JAKMIP1: variants seen among roughly 807,000 people sequenced by gnomAD.
JAKMIP1 encodes the protein janus kinase and microtubule interacting protein 1.
JAKMIP1 carries 33 observed loss-of-function variants against 113.0 expected under a neutral mutation model. The observed-to-expected ratio is 0.29, with a 90% CI of 0.22 to 0.39. The LOEUF (loss-of-function observed/expected upper bound fraction) is 0.39. Among genes scored for constraint, JAKMIP1 ranks in the 10% least tolerant of loss-of-function variants. The probability of loss-of-function intolerance (pLI) is 1.00; values close to 1 mark genes in which losing one functional copy is unlikely to be tolerated. For missense variants in JAKMIP1, 813 were observed against 1,080.5 expected (o/e 0.75, Z 3.47); for synonymous variants, 480 against 459.9 (o/e 1.04, Z -0.56).
chr4:6,109,282 G>A lies in JAKMIP1; in HGVS notation c.130-3315C>T, dbSNP rs539883364. On this transcript the variant is annotated intron_variant, in intron 2 of 20. Transcript: ENST00000409021. Reference sequence around the variant, plus strand: ...AGAGTAGCTGGGACTACAGGCACCCGCCACTGCGCCCGGCTAATTTTTTTA... The same window carrying A: ...AGAGTAGCTGGGACTACAGGCACCCACCACTGCGCCCGGCTAATTTTTTTA... 4.0e-3 allele frequency among the ~76,000 whole-genome samples: 603 copies of A among 151,888 alleles called. 4 individuals are homozygous for A. The highest frequency in any genetic ancestry group is 0.013 in the African/African-American group (543 of 41,422).
chr4:6,173,035 G>C (rs1014365041), intron 1 of JAKMIP1, among the ~76,000 whole-genome samples: 1 of 152,166 alleles, frequency 6.6e-6, no homozygotes, highest in African/African-American at 2.4e-5. Flanking sequence ...AGGCTAACCC[G>C]ATTAACAAAG....
chr4:6,196,982 G>A lies in JAKMIP1; in HGVS notation c.-148+3271C>T, dbSNP rs886595992. 3.9e-5 allele frequency among the ~76,000 whole-genome samples: 6 copies of A among 152,142 alleles called. No individual in the cohort carries two copies. In the South Asian group the frequency reaches 6.2e-4, roughly 16 times the overall value. On this transcript the variant is annotated intron_variant, in intron 1 of 20. Transcript: ENST00000409021. ...CTCCGTGGGGCAACATCTGAGGCCC[G>A]GAGTCAGGGAGCCCCACTTCTGAGT...
chr4:6,066,896 C>A (rs896787834), intron 8 of JAKMIP1, among the ~76,000 whole-genome samples: 1 of 152,076 alleles, frequency 6.6e-6, no homozygotes, highest in Non-Finnish European at 1.5e-5. Context: ...TCCTCCGCTC[C>A]AGGCTTCTGC....
At position 6,186,484 on chromosome 4, in the gene JAKMIP1, T is replaced by C. The variant is rs1726667014; in HGVS notation, c.-148+13769A>G. 6.6e-6 allele frequency among the ~76,000 whole-genome samples: 1 copy of C among 152,244 alleles called. No individual in the cohort carries two copies. The highest frequency in any genetic ancestry group is 1.5e-5 in the Non-Finnish European group (1 of 68,044). ...CAGCTACAGGCCAGGCATGGCTTGA[T>C]GCTACTGACTTCTAACTTCATTGCA... On this transcript the variant is annotated intron_variant, in intron 1 of 20. Coordinates refer to ENST00000409021, the MANE Select transcript of JAKMIP1 (RefSeq NM_001099433.2). The surrounding 1 kb of genome is among the most constrained non-coding windows in gnomAD (Gnocchi z 5.5).
In JAKMIP1 at chr4:6,049,696, C is replaced by T. The variant is rs1715423164; in HGVS notation, c.1962+123G>A. On this transcript the variant is annotated intron_variant, in intron 15 of 20. Transcript: ENST00000409021. This position sits in a 1 kb window ranked among gnomAD's most constrained non-coding sequence, Gnocchi z 7.0. ...GGAACACGGCCATACAAAAGCCTTA[C>T]ATTGTACTTCTTAGATCTCTTACAT... 2.7e-6 allele frequency: 2 copies of T among 752,978 alleles called. No individual in the cohort carries two copies. Among genetic ancestry groups the T allele is most frequent in the Admixed American group, 2.4e-5 (1 of 41,506 alleles). The allele number at this position is 752,978 out of a possible 1,614,324, so 46.6% of individuals were successfully genotyped here.
rs1722421034 is a variant in JAKMIP1, at chr4:6,157,711, G to T, written c.-148+42542C>A. 6.6e-6 allele frequency among the ~76,000 whole-genome samples: 1 copy of T among 152,148 alleles called. No individual in the cohort carries two copies. The highest frequency in any genetic ancestry group is 1.5e-5 in the Non-Finnish European group (1 of 68,038). On this transcript the variant is annotated intron_variant, in intron 1 of 20. Coordinates refer to ENST00000409021, the MANE Select transcript of JAKMIP1 (RefSeq NM_001099433.2). This position sits in a 1 kb window ranked among gnomAD's most constrained non-coding sequence, Gnocchi z 4.7. ...CTGTTTAAACTGGTGCCAGTTGTCT[G>T]TGGTTTCACATTCACTGAGCAGGTT...
intron 3 of JAKMIP1, among the ~76,000 whole-genome samples, chr4:6,102,397 TATGAAGG>T (rs1713194564): frequency 6.6e-6 from 1 of 152,172 alleles, no homozygotes; most frequent in South Asian, 2.1e-4. Context: ...GCAAAGCCTT[TATGAAGG>T]GAGTTAGTGA....
Position 6,116,517 on chromosome 4 carries a change from C to T in JAKMIP1, c.-147-3520G>A, listed in dbSNP as rs1402783442. ...GCACGGGGACCTTGGACCTGCTGAC[C>T]CTGGACCTTGTCTGGCATATAGGCC... On this transcript the variant is annotated intron_variant, in intron 1 of 20. Coordinates refer to ENST00000409021, the MANE Select transcript of JAKMIP1 (RefSeq NM_001099433.2). This position sits in a 1 kb window ranked among gnomAD's most constrained non-coding sequence, Gnocchi z 5.1. 6.6e-6 allele frequency among the ~76,000 whole-genome samples: 1 copy of T among 152,150 alleles called. No homozygotes were observed. The highest frequency in any genetic ancestry group is 2.4e-5 in the African/African-American group (1 of 41,424).
intron 3 of JAKMIP1, among the ~76,000 whole-genome samples, chr4:6,090,291 A>G (rs1721865924): frequency 6.6e-6 from 1 of 152,126 alleles, no homozygotes; most frequent in Non-Finnish European, 1.5e-5. Flanking sequence ...GTGCAGGCAG[A>G]GACTGAAGTG....
intron 1 of JAKMIP1, among the ~76,000 whole-genome samples, chr4:6,149,425 C>T (rs1721287613): frequency 6.6e-6 from 1 of 152,092 alleles, no homozygotes; most frequent in Non-Finnish European, 1.5e-5. Flanking sequence ...GTAGGAGAAA[C>T]CTCACCAGAT....
At position 6,198,626 on chromosome 4, in the gene JAKMIP1, G is replaced by C. The variant is rs1040791409; in HGVS notation, c.-148+1627C>G. On this transcript the variant is annotated intron_variant, in intron 1 of 20. Coordinates refer to ENST00000409021, the MANE Select transcript of JAKMIP1 (RefSeq NM_001099433.2). Reference sequence around the variant, plus strand: ...GCAGAGATGTTCAGCATTACAGACCGGTACACACCTCAACAGCAACAAAAA... The same window carrying C: ...GCAGAGATGTTCAGCATTACAGACCCGTACACACCTCAACAGCAACAAAAA... Among the ~76,000 whole-genome samples the C allele has an allele frequency of 7.2e-5, 11 of 152,296 alleles. 2 individuals are homozygous for C. In the South Asian group the frequency reaches 2.3e-3, roughly 32 times the overall value.
At chr4:6,111,689 T>G (rs1252104560) in intron 2 of JAKMIP1, among the ~76,000 whole-genome samples, 1 of 152,152 alleles carries the variant, frequency 6.6e-6, no homozygotes, top group Admixed American at 6.5e-5. Context: ...CCTGTGCTCC[T>G]CCCCTCTGTG....
chr4:6,146,114 G>A (rs78149516), intron 1 of JAKMIP1, among the ~76,000 whole-genome samples: 3,290 of 151,838 alleles, frequency 0.022, 122 homozygotes, highest in African/African-American at 0.075. Context: ...CCTGACACAC[G>A]GTATAAGATG....
chr4:6,063,936 C>T (rs184382015), intron 9 of JAKMIP1, among the ~76,000 whole-genome samples: 45 of 152,326 alleles, frequency 3.0e-4, no homozygotes, highest in Admixed American at 3.9e-4. Context: ...TGGAGAAGTG[C>T]TCCCTCGCGA....
In JAKMIP1 at chr4:6,040,435, C is replaced by T. The variant is rs1476042100; in HGVS notation, c.2175+204G>A. ...ATGTCTAAGAAAACCATTAAAGTAA[C>T]TTTGAATATTTTTGAAAATCACGAT... is the stretch of plus-strand genomic sequence containing the variant. On this transcript the variant is annotated intron_variant, in intron 18 of 20. Transcript: ENST00000409021. The surrounding 1 kb of genome is among the most constrained non-coding windows in gnomAD (Gnocchi z 5.8). 6.6e-6 allele frequency among the ~76,000 whole-genome samples: 1 copy of T among 152,144 alleles called. No individual in the cohort carries two copies. Among genetic ancestry groups the T allele is most frequent in the Non-Finnish European group, 1.5e-5 (1 of 68,028 alleles).
Position 6,078,922 on chromosome 4 carries a change from C to A in JAKMIP1, c.1302+17G>T. The stretch of plus-strand genomic sequence containing the variant: ...ACACAGCGGCAAGGTAGGGCAGGTG[C>A]ACCATCGCAGGCTCACCTTGGGCGG... On this transcript the variant is annotated intron_variant, in intron 8 of 20. Transcript: ENST00000409021. 6.2e-7 allele frequency: 1 copy of A among 1,613,554 alleles called. No individual in the cohort carries two copies. The highest frequency in any genetic ancestry group is 8.5e-7 in the Non-Finnish European group (1 of 1,179,454).
chr4:6,191,510 T>C (rs1364942023), intron 1 of JAKMIP1, among the ~76,000 whole-genome samples: 2 of 152,218 alleles, frequency 1.3e-5, no homozygotes, highest in Non-Finnish European at 2.9e-5. Flanking sequence ...AAGGTGGCCC[T>C]CAAAGGTGCA....
intron 2 of JAKMIP1, 103 bp downstream of exon 2, chr4:6,112,619 G>A: frequency 7.2e-7 from 1 of 1,398,170 alleles, no homozygotes; most frequent in Non-Finnish European, 9.8e-7. Flanking sequence ...CCCCCCCTCG[G>A]CCCCCCTCCT....
In JAKMIP1 at chr4:6,084,927, T is replaced by A. The variant is rs941000293; in HGVS notation, c.873A>T (p.Gln291His). 6.3e-7 allele frequency: 1 copy of A among 1,588,298 alleles called. No individual in the cohort carries two copies. Among genetic ancestry groups the A allele is most frequent in the Admixed American group, 1.8e-5 (1 of 56,710 alleles). The stretch of plus-strand genomic sequence containing the variant: ...CTGAATTCAGTTCAGCAATTTTTAG[T>A]TGAAATCGCCTCACATCTCGCTCGT... ...HMDERDVRRF[Q>H]LKIAELNSVI... Residue 291 changes from glutamine to histidine, a missense_variant, in exon 5 of 21, where the codon CAA (glutamine) becomes CAT (histidine). Gln to His is a conservative substitution (Grantham distance 24). Around this residue, in one of 2 missense-constraint regions of JAKMIP1, gnomAD observed 540 missense variants for 653.9 expected, o/e 0.83. Transcript: ENST00000409021.
Sources: gnomAD v4.1 joint callset for allele counts (sites outside exome capture counted in the v4.1 genomes callset) on GRCh38, gnomAD v4.1.1 for gene constraint, gnomAD v4.1.1 regional missense constraint, Gnocchi (gnomAD v3.1) non-coding constraint, MANE v1.5 for transcripts, NCBI Gene and HGNC (gene_info 2026-07-23, HGNC 2026-07-21) for gene names.